XIAP: variants seen among roughly 807,000 people sequenced by gnomAD.
XIAP encodes the protein E3 ubiquitin-protein ligase XIAP.
A neutral mutation model predicts 33.1 loss-of-function variants in XIAP; 3 were observed. That is an observed-to-expected ratio of 0.09 (90% CI 0.04 to 0.23). XIAP has a LOEUF of 0.23. XIAP is among the 10% of genes least tolerant of loss of function. The pLI, the probability that XIAP is intolerant of heterozygous loss-of-function variation, is 1.00. For missense variants in XIAP, 264 were observed against 363.0 expected (o/e 0.73, Z 2.22); for synonymous variants, 98 against 121.3 (o/e 0.81, Z 1.26).
intron 1 of XIAP, among the ~76,000 whole-genome samples, chrX:123,867,062 T>A: frequency 1.7e-5 from 1 of 59,779 alleles, no homozygotes; most frequent in African/African-American, 6.8e-5. Context: ...CAACATTCTA[T>A]AGTTAACATT....
chrX:123,905,950 G>A (rs1303275237), intron 6 of XIAP, among the ~76,000 whole-genome samples: 1 of 112,497 alleles, frequency 8.9e-6, no homozygotes, highest in African/African-American at 3.2e-5. Flanking sequence ...GTTTAAAAAT[G>A]CCCCAGGTTA....
chrX:123,894,265 GAGTC>G (rs1266457627), intron 5 of XIAP, among the ~76,000 whole-genome samples: 2 of 112,468 alleles, frequency 1.8e-5, no homozygotes, highest in African/African-American at 6.5e-5. Context: ...GATGAAGAAA[GAGTC>G]AGAGAGGTTA....
At chrX:123,894,425 T>C (rs2148099628) in intron 5 of XIAP, among the ~76,000 whole-genome samples, 1 of 112,391 alleles carries the variant, frequency 8.9e-6, no homozygotes, top group South Asian at 3.6e-4. Flanking sequence ...AGAATATGTC[T>C]AGTGATTCCC....
intron 5 of XIAP, among the ~76,000 whole-genome samples, chrX:123,897,564 C>CT (rs773044284): frequency 1.7e-3 from 179 of 103,477 alleles, no homozygotes; most frequent in Non-Finnish European, 1.6e-3. Flanking sequence ...TCTGGAAAGA[C>CT]TTTTTTTTTT....
intron 5 of XIAP, among the ~76,000 whole-genome samples, chrX:123,898,277 A>G (rs1166803762): frequency 1.8e-5 from 2 of 112,451 alleles, no homozygotes; most frequent in Non-Finnish European, 3.8e-5. Flanking sequence ...CAACTGGACA[A>G]TTGTAGTAGT....
In XIAP at chrX:123,910,369, T is replaced by G. The variant is rs1283171658; in HGVS notation, c.*3188T>G. The G allele has an allele frequency of 3.1e-6, 1 of 327,443 alleles. No individual in the cohort carries two copies. Among genetic ancestry groups the G allele is most frequent in the Non-Finnish European group, 5.9e-6 (1 of 169,685 alleles). The allele number at this position is 327,443 out of a possible 1,213,427, so 27.0% of individuals were successfully genotyped here. On this transcript the variant is annotated 3_prime_UTR_variant, in exon 7 of 7. Coordinates refer to ENST00000371199, the MANE Select transcript of XIAP (RefSeq NM_001167.4). ...ATATTATTTACATTTCAGTAGTTGT[T>G]TTTTGTGTTTCCATTTTAGTGGATA...
At chrX:123,883,302 T>C (rs1041846971) in intron 1 of XIAP, among the ~76,000 whole-genome samples, 3 of 110,773 alleles carry the variant, frequency 2.7e-5, no homozygotes. Context: ...CAGGCTGGTC[T>C]CGAACTCCTG....
At chrX:123,861,778 G>C (rs2053081432) in intron 1 of XIAP, among the ~76,000 whole-genome samples, 1 of 111,699 alleles carries the variant, frequency 9.0e-6, no homozygotes, top group Non-Finnish European at 1.9e-5. Flanking sequence ...TCAGTGGTTT[G>C]TACTGTAAAA....
intron 1 of XIAP, among the ~76,000 whole-genome samples, chrX:123,867,044 C>A (rs1237434366): frequency 8.1e-5 from 6 of 74,530 alleles, no homozygotes; most frequent in Admixed American, 4.8e-4. Flanking sequence ...TAATCCCCCC[C>A]CCCCCTTCAA....
At chrX:123,883,156 C>A (rs1260952464) in intron 1 of XIAP, among the ~76,000 whole-genome samples, 2 of 110,621 alleles carry the variant, frequency 1.8e-5, no homozygotes, top group African/African-American at 6.6e-5. Flanking sequence ...GATCTTGGCT[C>A]ACTGCAACCT....
At chrX:123,883,898 A>G (rs2053328246) in intron 1 of XIAP, among the ~76,000 whole-genome samples, 1 of 111,774 alleles carries the variant, frequency 8.9e-6, no homozygotes, top group Admixed American at 9.6e-5. Flanking sequence ...TTTGTCATCC[A>G]GTTTATTGTG....
chrX:123,883,654 G>A (rs953704571), intron 1 of XIAP, among the ~76,000 whole-genome samples: 6 of 108,968 alleles, frequency 5.5e-5, no homozygotes, highest in African/African-American at 1.7e-4. Context: ...GCTCCACCAC[G>A]CCCAGCTAAT....
At chrX:123,901,821 T>G (rs2053516494) in intron 6 of XIAP, among the ~76,000 whole-genome samples, 1 of 110,889 alleles carries the variant, frequency 9.0e-6, no homozygotes, top group South Asian at 3.8e-4. Flanking sequence ...TTGTCATCTT[T>G]CTTTCTTTTT....
chrX:123,865,898 G>T (rs2053130140), intron 1 of XIAP, among the ~76,000 whole-genome samples: 1 of 109,467 alleles, frequency 9.1e-6, no homozygotes, highest in South Asian at 3.9e-4. Flanking sequence ...GGGATTACAG[G>T]CGTGTGCTAC....
chrX:123,884,578 A>G (rs1472523538), intron 1 of XIAP, among the ~76,000 whole-genome samples: 1 of 111,323 alleles, frequency 9.0e-6, no homozygotes, highest in Non-Finnish European at 1.9e-5. Flanking sequence ...TATATTGAGC[A>G]TGTTATCAGG....
At position 123,886,274 on chromosome X, in the gene XIAP, T is replaced by C. The variant is rs1305469878; in HGVS notation, c.612T>C (p.Gly204=). The stretch of plus-strand genomic sequence containing the variant: ...ACCAAGTGCAGTGCTTTTGTTGTGG[T>C]GGAAAACTGAAAAATTGGGAACCTT... ...IGDQVQCFCC[G]GKLKNWEPCD... is the part of the protein sequence containing the mutation. Residue 204 remains glycine, a synonymous_variant, in exon 2 of 7, where the codon GGT becomes GGC. Transcript: ENST00000371199. 8.3e-7 allele frequency: 1 copy of C among 1,210,591 alleles called. No homozygotes were observed. Among genetic ancestry groups the C allele is most frequent in the African/African-American group, 1.7e-5 (1 of 57,332 alleles).
At chrX:123,900,359 C>A in intron 5 of XIAP, 134 bp from the exon 6 acceptor site, 1 of 561,596 alleles carries the variant, frequency 1.8e-6, no homozygotes, top group Non-Finnish European at 2.9e-6. Context: ...AGCAGCTTTG[C>A]TTTGCTGGTT....
At chrX:123,862,163 C>T (rs999000066) in intron 1 of XIAP, among the ~76,000 whole-genome samples, 10 of 109,273 alleles carry the variant, frequency 9.2e-5, no homozygotes, top group East Asian at 2.9e-4. Flanking sequence ...CTGCAGCCTC[C>T]GCCTCCTGGG....
chrX:123,903,241 TGCAATG>T (rs1411052703), intron 6 of XIAP, among the ~76,000 whole-genome samples: 2 of 98,508 alleles, frequency 2.0e-5, no homozygotes, highest in Non-Finnish European at 4.0e-5. Flanking sequence ...CAGGCTGGAA[TGCAATG>T]GTGCAATCTT....
Sources: gnomAD v4.1 joint callset for allele counts (sites outside exome capture counted in the v4.1 genomes callset) on GRCh38, gnomAD v4.1.1 for gene constraint, MANE v1.5 for transcripts, NCBI Gene and HGNC (gene_info 2026-07-23, HGNC 2026-07-21) for gene names.